EHBP1: variants seen among roughly 807,000 people sequenced by gnomAD.
EHBP1 encodes the protein EH domain binding protein 1.
A neutral mutation model predicts 144.0 loss-of-function variants in EHBP1; 55 were observed. That is an observed-to-expected ratio of 0.38 (90% confidence interval 0.31 to 0.48). The LOEUF is 0.48. Among genes scored for constraint, EHBP1 ranks in the 20% least tolerant of loss-of-function variants. The pLI is 0.98. For missense variants in EHBP1, 1,200 were observed against 1,364.2 expected, an observed-to-expected ratio of 0.88 and a Z score of 1.90; for synonymous variants, 469 against 472.7, an observed-to-expected ratio of 0.99 and a Z score of 0.10.
At chr2:62,708,021 A>G (rs1220799301) in intron 2 of EHBP1, among the ~76,000 whole-genome samples, 1 of 152,226 alleles carries the variant, frequency 6.6e-6, no homozygotes, top group Non-Finnish European at 1.5e-5. Context: ...AGTGAGAGAA[A>G]AAAGTTAATT....
chr2:62,703,609 T>G (rs1232153244), upstream of EHBP1, among the ~76,000 whole-genome samples: 1 of 152,190 alleles, frequency 6.6e-6, no homozygotes. Context: ...TGATCTCTTC[T>G]TAGCTACCTT....
At chr2:62,779,718 G>A (rs1331129388) in intron 5 of EHBP1, among the ~76,000 whole-genome samples, 1 of 152,106 alleles carries the variant, frequency 6.6e-6, no homozygotes, top group African/African-American at 2.4e-5. Context: ...AATGTATAGA[G>A]GACCCCTGCT....
chr2:62,760,260 A>C (rs1005487158), intron 3 of EHBP1, among the ~76,000 whole-genome samples: 1 of 152,178 alleles, frequency 6.6e-6, no homozygotes, highest in South Asian at 2.1e-4. Flanking sequence ...GACTGTACTC[A>C]TTGTCAGCTA....
intron 19 of EHBP1, among the ~76,000 whole-genome samples, chr2:62,998,450 G>T (rs1275072513): frequency 6.6e-6 from 1 of 152,108 alleles, no homozygotes; most frequent in East Asian, 1.9e-4. Context: ...TAAGGAGACA[G>T]ATTTCCTTTT....
intron 2 of EHBP1, among the ~76,000 whole-genome samples, chr2:62,733,552 T>C (rs1558572295): frequency 6.6e-6 from 1 of 152,228 alleles, no homozygotes; most frequent in Non-Finnish European, 1.5e-5. Flanking sequence ...TTTTCCCCTT[T>C]AGGTGAGAAA....
At chr2:62,827,182 A>T (rs189516559) in intron 6 of EHBP1, among the ~76,000 whole-genome samples, 21 of 152,196 alleles carry the variant, frequency 1.4e-4, no homozygotes, top group African/African-American at 4.1e-4. Flanking sequence ...GATGTTTGAC[A>T]CTCATCTACA....
At chr2:62,830,202 A>C (rs1232684797) in intron 6 of EHBP1, among the ~76,000 whole-genome samples, 1 of 100,862 alleles carries the variant, frequency 9.9e-6, no homozygotes, top group Non-Finnish European at 2.2e-5. Flanking sequence ...ACACATATAT[A>C]TACACATATA....
chr2:62,953,519 A>G (rs1429169329), intron 13 of EHBP1, among the ~76,000 whole-genome samples: 1 of 151,848 alleles, frequency 6.6e-6, no homozygotes, highest in Admixed American at 6.6e-5. Context: ...ATTGGACTCC[A>G]GCCTCGGTGA....
At chr2:62,785,592 G>A (rs556406278) in intron 5 of EHBP1, among the ~76,000 whole-genome samples, 9 of 152,166 alleles carry the variant, frequency 5.9e-5, no homozygotes, top group South Asian at 2.1e-4. Context: ...GGGTTGTGGC[G>A]GGGGAAAGAT....
At chr2:62,891,747 C>CT (rs1001764972) in intron 10 of EHBP1, among the ~76,000 whole-genome samples, 2 of 152,090 alleles carry the variant, frequency 1.3e-5, no homozygotes, top group Non-Finnish European at 2.9e-5. Context: ...CGCAGACTTG[C>CT]ATATAGCGAG....
intron 3 of EHBP1, among the ~76,000 whole-genome samples, chr2:62,763,304 G>C (rs934613974): frequency 6.6e-6 from 1 of 151,488 alleles, no homozygotes; most frequent in East Asian, 1.9e-4. Context: ...TCTTCCTACT[G>C]TATTGTAAAC....
chr2:62,687,197 A>T (rs1175976225), intron 1 of EHBP1, among the ~76,000 whole-genome samples: 6 of 152,210 alleles, frequency 3.9e-5, no homozygotes, highest in Non-Finnish European at 7.3e-5. Flanking sequence ...CCAGTTCTAA[A>T]CACTGTCTTT....
chr2:62,772,123 A>AAG (rs1320546813), intron 5 of EHBP1: 1 of 150,092 alleles, frequency 6.7e-6, no homozygotes, highest in Non-Finnish European at 1.5e-5. Context: ...GAAAGAGAGC[A>AAG]AGAGAGAGAA....
In EHBP1 at chr2:62,836,101, C is replaced by T. The variant is rs537034299; in HGVS notation, c.634+4943C>T. Among the ~76,000 whole-genome samples, 105 of 152,258 alleles carry T rather than the reference C, an allele frequency of 6.9e-4. 1 individual carries two copies. Among genetic ancestry groups the T allele is most frequent in the African/African-American group, 2.5e-3 (103 of 41,556 alleles). On this transcript the variant is annotated intron_variant, in intron 7 of 22. Coordinates refer to ENST00000431489, the MANE Select transcript of EHBP1 (RefSeq NM_001142616.3). ...AGACTTAAATGTCCCTGTCTGACAGCTTTGAAGAGAGCAGTGGTTCTCCCA... is the reference window on the plus strand; with the variant it reads ...AGACTTAAATGTCCCTGTCTGACAGTTTTGAAGAGAGCAGTGGTTCTCCCA...
chr2:62,881,484 G>A (rs2051418469), intron 10 of EHBP1, among the ~76,000 whole-genome samples: 1 of 149,940 alleles, frequency 6.7e-6, no homozygotes, highest in Non-Finnish European at 1.5e-5. Flanking sequence ...AGGGGAAGGG[G>A]AAGGAAAAAG....
intron 5 of EHBP1, among the ~76,000 whole-genome samples, chr2:62,795,077 C>G (rs2043444401): frequency 6.6e-6 from 1 of 151,798 alleles, no homozygotes; most frequent in African/African-American, 2.4e-5. Flanking sequence ...TGACATGAAT[C>G]TTTTGATGGA....
At chr2:62,807,393 A>T in intron 5 of EHBP1, among the ~76,000 whole-genome samples, 1 of 152,180 alleles carries the variant, frequency 6.6e-6, no homozygotes, top group Non-Finnish European at 1.5e-5. Flanking sequence ...TACTAAAAAT[A>T]CAAAATTAGC....
At chr2:62,967,541 T>G (rs946953883) in intron 14 of EHBP1, among the ~76,000 whole-genome samples, 1 of 152,206 alleles carries the variant, frequency 6.6e-6, no homozygotes, top group African/African-American at 2.4e-5. Flanking sequence ...ATTTTTTTCT[T>G]TTTAAAAAGG....
At chr2:62,900,924 G>C (rs954599563) in intron 10 of EHBP1, among the ~76,000 whole-genome samples, 24 of 152,010 alleles carry the variant, frequency 1.6e-4, no homozygotes, top group African/African-American at 5.3e-4. Flanking sequence ...GTTGTTCTTA[G>C]CAGTTGTTTG....
Sources: allele counts gnomAD v4.1 joint callset (sites outside exome capture counted in the v4.1 genomes callset), GRCh38; gene constraint gnomAD v4.1.1; transcripts MANE v1.5; gene names NCBI Gene and HGNC (gene_info 2026-07-23, HGNC 2026-07-21).